PLEKHG1: variants seen among roughly 807,000 people sequenced by gnomAD.
The protein encoded by PLEKHG1 is pleckstrin homology domain-containing family G member 1.
In PLEKHG1, 44 loss-of-function variants were observed where a neutral mutation model predicts 100.8. The observed-to-expected ratio is 0.44, with a 90% confidence interval of 0.34 to 0.56. The LOEUF (loss-of-function observed/expected upper bound fraction) is 0.56. PLEKHG1 is among the 20% of genes least tolerant of loss of function. The probability of loss-of-function intolerance (pLI) is 0.01; values close to 1 mark genes in which losing one functional copy is unlikely to be tolerated. For synonymous variants in PLEKHG1, 640 were observed against 662.5 expected (o/e 0.97, Z 0.52); for missense variants, 1,545 against 1,720.9 (o/e 0.90, Z 1.81).
intron 3 of PLEKHG1, among the ~76,000 whole-genome samples, chr6:150,783,532 G>A (rs527520398): frequency 1.0e-3 from 158 of 152,214 alleles, no homozygotes; most frequent in Non-Finnish European, 1.8e-3. Flanking sequence ...ACCACACCCA[G>A]CTAATTTTTG....
At chr6:150,676,911 C>T (rs1433713721) in intron 3 of PLEKHG1, among the ~76,000 whole-genome samples, 11 of 151,984 alleles carry the variant, frequency 7.2e-5, no homozygotes, top group Admixed American at 4.6e-4. Flanking sequence ...CCTTTCCCTC[C>T]CTCCTCCCTC....
chr6:150,689,010 T>C (rs916851480), intron 3 of PLEKHG1, among the ~76,000 whole-genome samples: 1 of 152,250 alleles, frequency 6.6e-6, no homozygotes, highest in South Asian at 2.1e-4. Flanking sequence ...ACAAAAATTC[T>C]GTAACCATTA....
At chr6:150,722,500 C>T (rs1178196514) in intron 1 of PLEKHG1, among the ~76,000 whole-genome samples, 1 of 151,732 alleles carries the variant, frequency 6.6e-6, no homozygotes, top group African/African-American at 2.4e-5. Context: ...ATTACAGGCA[C>T]GCGCCACCAT....
intron 3 of PLEKHG1, among the ~76,000 whole-genome samples, chr6:150,676,007 A>AT (rs1387422685): frequency 2.0e-5 from 3 of 149,210 alleles, no homozygotes; most frequent in Admixed American, 6.7e-5. Context: ...CACAAGCCAT[A>AT]TAATATATCA....
chr6:150,784,918 C>G (rs935474908), intron 3 of PLEKHG1, among the ~76,000 whole-genome samples: 1 of 151,602 alleles, frequency 6.6e-6, no homozygotes, highest in African/African-American at 2.4e-5. Context: ...AATTACATAA[C>G]AGAACTAGTT....
chr6:150,715,979 G>A (rs1268486885), intron 3 of PLEKHG1, among the ~76,000 whole-genome samples: 8 of 148,862 alleles, frequency 5.4e-5, no homozygotes, highest in Admixed American at 3.3e-4. Context: ...GTGGTGGCGG[G>A]CGCCTGTAGT....
chr6:150,733,825 G>A (rs1416926552), exon 2 of PLEKHG1: 1 of 1,614,214 alleles, frequency 6.2e-7, no homozygotes, highest in Admixed American at 1.7e-5. Context: ...AGGATAAGGA[G>A]GTAGGGGCCA....
intron 10 of PLEKHG1, 65 bp from the exon 12 acceptor site, chr6:150,818,118 T>C: frequency 8.5e-7 from 1 of 1,178,838 alleles, no homozygotes; most frequent in Non-Finnish European, 1.3e-6. Context: ...AAGATCTGTG[T>C]TGAGATTTGG....
chr6:150,646,547 C>G (rs1778509629), intron 2 of PLEKHG1, among the ~76,000 whole-genome samples: 1 of 152,038 alleles, frequency 6.6e-6, no homozygotes, highest in Non-Finnish European at 1.5e-5. Flanking sequence ...TTCATAGAAG[C>G]CAGTTTGTAT....
chr6:150,806,039 G>T (rs191409379), intron 7 of PLEKHG1, among the ~76,000 whole-genome samples: 1 of 152,222 alleles, frequency 6.6e-6, no homozygotes, highest in African/African-American at 2.4e-5. Flanking sequence ...GAGTGAGATG[G>T]AAAAGCCCAA....
intron 3 of PLEKHG1, chr6:150,651,816 A>T (rs1778755537): frequency 6.6e-6 from 1 of 152,100 alleles, no homozygotes; most frequent in Non-Finnish European, 1.5e-5. Context: ...CGGAGATTGT[A>T]CCACTGCACT....
Position 150,809,376 on chromosome 6 carries a change from T to A in PLEKHG1, c.1096-5T>A. On this transcript the variant is annotated splice_region_variant and splice_polypyrimidine_tract_variant and intron_variant, in intron 8 of 15. Coordinates refer to ENST00000358517, the Ensembl canonical transcript of PLEKHG1. ...GCCTCACCCTCTCTGCTCTCTCTGC[T>A]CTAGTGTGGCAACCTCATGCTTGTG... is the stretch of plus-strand genomic sequence containing the variant. 1 of 1,613,412 alleles carries A rather than the reference T, an allele frequency of 6.2e-7. No homozygotes were observed. The highest frequency in any genetic ancestry group is 1.7e-5 in the Admixed American group (1 of 60,020).
intron 1 of PLEKHG1, among the ~76,000 whole-genome samples, chr6:150,724,406 TA>T (rs1781851087): frequency 6.6e-6 from 1 of 152,180 alleles, no homozygotes; most frequent in South Asian, 2.1e-4. Context: ...CTCTGAGTGG[TA>T]ACACAGTGGA....
At chr6:150,777,007 A>T (rs574216868) in intron 3 of PLEKHG1, among the ~76,000 whole-genome samples, 3 of 150,756 alleles carry the variant, frequency 2.0e-5, no homozygotes, top group Admixed American at 2.0e-4. Context: ...CCTGGTGCAC[A>T]TGTGCAGTTG....
intron 2 of PLEKHG1, among the ~76,000 whole-genome samples, chr6:150,755,931 G>A (rs71570234): frequency 0.14 from 21,270 of 152,038 alleles, 167 homozygotes; most frequent in African/African-American, 0.3. Context: ...TCTTGTGGTA[G>A]ATAGAAGCTG....
chr6:150,794,864 A>C (rs535080246), intron 4 of PLEKHG1, among the ~76,000 whole-genome samples: 1 of 152,192 alleles, frequency 6.6e-6, no homozygotes, highest in Non-Finnish European at 1.5e-5. Flanking sequence ...TATATGCTTG[A>C]AACTTTCCAT....
At chr6:150,677,425 A>AC (rs958646581) in intron 3 of PLEKHG1, among the ~76,000 whole-genome samples, 1 of 151,834 alleles carries the variant, frequency 6.6e-6, no homozygotes, top group Admixed American at 6.6e-5. Flanking sequence ...CTGATTTCTC[A>AC]CCCCATCCCA....
At chr6:150,617,560 C>G (rs1233564987) in intron 1 of PLEKHG1, among the ~76,000 whole-genome samples, 4 of 152,138 alleles carry the variant, frequency 2.6e-5, no homozygotes, top group Non-Finnish European at 5.9e-5. Flanking sequence ...GAAGTAGAGA[C>G]CTCCAAATCT....
intron 1 of PLEKHG1, among the ~76,000 whole-genome samples, chr6:150,608,321 C>A (rs1776686217): frequency 6.6e-6 from 1 of 152,128 alleles, no homozygotes; most frequent in Admixed American, 6.5e-5. Flanking sequence ...CTTTTGAAAT[C>A]CAGAAAGCCC....
Sources: allele counts gnomAD v4.1 joint callset (sites outside exome capture counted in the v4.1 genomes callset), GRCh38; gene constraint gnomAD v4.1.1; transcripts MANE v1.5; gene names NCBI Gene and HGNC (gene_info 2026-07-23, HGNC 2026-07-21).